The following ITSN1 variants were observed in gnomAD, a reference collection of about 807,000 sequenced individuals.
ITSN1 encodes intersectin 1, also known as intersectin-1.
In ITSN1, 58 loss-of-function variants were observed where a neutral mutation model predicts 239.8. The ratio of observed to expected loss-of-function variants is 0.24; its 90% CI spans 0.20 to 0.30. The LOEUF is 0.30. Among genes scored for constraint, ITSN1 ranks in the 10% least tolerant of loss-of-function variants. The pLI, the probability that ITSN1 is intolerant of heterozygous loss-of-function variation, is 1.00. For synonymous variants in ITSN1, 780 were observed against 770.8 expected (o/e 1.01, Z -0.20); for missense variants, 1,558 against 2,103.3 (o/e 0.74, Z 5.07).
At chr21:33,730,319 A>G (rs2066093255) in intron 4 of ITSN1, among the ~76,000 whole-genome samples, 2 of 146,376 alleles carry the variant, frequency 1.4e-5, no homozygotes, top group South Asian at 2.2e-4. Context: ...TATAACGTGT[A>G]TGTATTCATA....
intron 1 of ITSN1, among the ~76,000 whole-genome samples, chr21:33,698,507 T>G (rs1409584687): frequency 6.6e-6 from 1 of 152,262 alleles, no homozygotes; most frequent in Non-Finnish European, 1.5e-5. Flanking sequence ...TTATCCTTTA[T>G]GCAGTTTTAA....
intron 1 of ITSN1, among the ~76,000 whole-genome samples, chr21:33,687,320 C>A (rs951804756): frequency 7.0e-6 from 1 of 143,682 alleles, no homozygotes; most frequent in Admixed American, 7.4e-5. Context: ...ATTGCTTGAA[C>A]CTGTGAGGCA....
At chr21:33,868,246 C>G (rs889241480) in intron 33 of ITSN1, among the ~76,000 whole-genome samples, 1 of 152,382 alleles carries the variant, frequency 6.6e-6, no homozygotes, top group South Asian at 2.1e-4. Flanking sequence ...AGGAGCCTAG[C>G]TGGCTTCACC....
At position 33,693,693 on chromosome 21, in the gene ITSN1, A is replaced by T. The variant is rs369760889; in HGVS notation, c.-32-25104A>T. 3.3e-5 allele frequency among the ~76,000 whole-genome samples: 5 copies of T among 151,988 alleles called. No homozygotes were observed. The East Asian group carries it at 5.8e-4, about 18-fold the overall frequency. On this transcript the variant is annotated intron_variant, in intron 1 of 39. Coordinates refer to ENST00000381318, the MANE Select transcript of ITSN1 (RefSeq NM_003024.3). The stretch of plus-strand genomic sequence containing the variant: ...TGTTTTAGCCTGCAATGCTGTTCCC[A>T]CTTGTGTCTATATAGCACTCCTAAT...
At chr21:33,731,746 T>A (rs2066199638) in intron 4 of ITSN1, among the ~76,000 whole-genome samples, 1 of 152,210 alleles carries the variant, frequency 6.6e-6, no homozygotes, top group Non-Finnish European at 1.5e-5. Context: ...AGGCACCCGA[T>A]GAAAAATACA....
intron 10 of ITSN1, among the ~76,000 whole-genome samples, chr21:33,767,242 A>G (rs963727335): frequency 1.3e-5 from 2 of 152,066 alleles, no homozygotes; most frequent in African/African-American, 2.4e-5. Flanking sequence ...ATTAGTAAAC[A>G]AAGTGATTTG....
intron 34 of ITSN1, among the ~76,000 whole-genome samples, chr21:33,880,875 CA>C (rs1303319285): frequency 2.6e-5 from 4 of 152,084 alleles, no homozygotes; most frequent in East Asian, 3.9e-4. Flanking sequence ...CCCTTGCTGT[CA>C]AAAAGGGGGC....
intron 1 of ITSN1, among the ~76,000 whole-genome samples, chr21:33,713,522 G>A (rs1260279706): frequency 0.017 from 2 of 120 alleles, no homozygotes; most frequent in South Asian, 0.25. Context: ...GATTACAGGC[G>A]TGAGCACCAC....
intron 1 of ITSN1, among the ~76,000 whole-genome samples, chr21:33,691,711 G>A (rs553906965): frequency 2.6e-5 from 4 of 152,276 alleles, no homozygotes; most frequent in South Asian, 4.1e-4. Context: ...TCAAGATGCC[G>A]ACAGATTTAG....
At chr21:33,702,785 A>C (rs1463814810) in intron 1 of ITSN1, among the ~76,000 whole-genome samples, 1 of 152,162 alleles carries the variant, frequency 6.6e-6, no homozygotes, top group East Asian at 1.9e-4. Flanking sequence ...CATTTTAATA[A>C]ATATTGTTTT....
chr21:33,803,096 C>G (rs2072132962), intron 20 of ITSN1, among the ~76,000 whole-genome samples: 1 of 152,162 alleles, frequency 6.6e-6, no homozygotes, highest in African/African-American at 2.4e-5. Context: ...CTTGGGTGAT[C>G]AGAAAAATGC....
rs892673572 is a variant in ITSN1 at position 33,652,924 on chromosome 21, G to A, written c.-33+10211G>A. Among the ~76,000 whole-genome samples the A allele has an allele frequency of 2.0e-5, 3 of 151,422 alleles. 1 individual carries two copies. Among genetic ancestry groups the A allele is most frequent in the African/African-American group, 4.9e-5 (2 of 41,060 alleles). On this transcript the variant is annotated intron_variant, in intron 1 of 39. Coordinates refer to ENST00000381318, the MANE Select transcript of ITSN1 (RefSeq NM_003024.3). ...ATAATTAGTACTAATTGTAGGCATC[G>A]TTCCCCAAAACTGAGGGCATCAGTA... is the stretch of plus-strand genomic sequence containing the variant.
At chr21:33,860,560 G>T (rs996411847) in intron 31 of ITSN1, among the ~76,000 whole-genome samples, 1 of 152,148 alleles carries the variant, frequency 6.6e-6, no homozygotes, top group Non-Finnish European at 1.5e-5. Context: ...GAGCTGTGTG[G>T]GGGGCCAGGC....
At chr21:33,801,302 A>G (rs534256089) in intron 19 of ITSN1, among the ~76,000 whole-genome samples, 8 of 152,230 alleles carry the variant, frequency 5.3e-5, no homozygotes, top group Non-Finnish European at 1.2e-4. Flanking sequence ...TCATCTTGCC[A>G]TATACACATC....
At chr21:33,761,722 A>G (rs1256687028) in intron 8 of ITSN1, among the ~76,000 whole-genome samples, 1 of 152,204 alleles carries the variant, frequency 6.6e-6, no homozygotes, top group Non-Finnish European at 1.5e-5. Flanking sequence ...TATGTGTCAG[A>G]TGCTGTGCTC....
At chr21:33,743,843 A>G (rs1490113098) in intron 5 of ITSN1, among the ~76,000 whole-genome samples, 2 of 152,258 alleles carry the variant, frequency 1.3e-5, no homozygotes, top group Non-Finnish European at 2.9e-5. Context: ...GGAGTAACAT[A>G]TTTAGAATTC....
intron 2 of ITSN1, 55 bp from the exon 3 acceptor site, chr21:33,721,123 A>G (rs1601830866): frequency 8.6e-7 from 1 of 1,156,638 alleles, no homozygotes. Context: ...GTGTGAGAGC[A>G]TTTTGTTTTC....
At chr21:33,728,301 C>T (rs2065952795) in intron 4 of ITSN1, among the ~76,000 whole-genome samples, 1 of 151,548 alleles carries the variant, frequency 6.6e-6, no homozygotes, top group South Asian at 2.1e-4. Flanking sequence ...GGTGCGATCT[C>T]AGCTCACTGC....
intron 1 of ITSN1, among the ~76,000 whole-genome samples, chr21:33,714,002 T>G (rs2092495816): frequency 6.6e-6 from 1 of 152,034 alleles, no homozygotes; most frequent in African/African-American, 2.4e-5. Flanking sequence ...ACCGGGCTAA[T>G]TTTTTGTTTG....
Sources: allele counts gnomAD v4.1 joint callset (sites outside exome capture counted in the v4.1 genomes callset), GRCh38; gene constraint gnomAD v4.1.1; transcripts MANE v1.5; gene names NCBI Gene and HGNC (gene_info 2026-07-23, HGNC 2026-07-21).